ANKRD36C: variants seen among roughly 807,000 people sequenced by gnomAD.
ANKRD36C encodes ankyrin repeat domain-containing protein 36C.
Under a neutral mutation model 276.4 loss-of-function variants are expected in ANKRD36C, and 61 were observed. The observed-to-expected ratio is 0.22, with a 90% CI of 0.18 to 0.27. The LOEUF (loss-of-function observed/expected upper bound fraction) is 0.27. ANKRD36C is among the 10% of genes least tolerant of loss of function. The pLI, the probability that ANKRD36C is intolerant of heterozygous loss-of-function variation, is 1.00. For missense variants in ANKRD36C, 1,447 were observed against 2,032.3 expected (o/e 0.71, Z 5.54); for synonymous variants, 483 against 680.1 (o/e 0.71, Z 4.51).
exon 5 of ANKRD36C, chr2:95,980,766 C>A (rs781520365): frequency 6.3e-7 from 1 of 1,597,930 alleles, no homozygotes; most frequent in Admixed American, 1.7e-5. Flanking sequence ...CCAAGAGTAA[C>A]AGCATGTATG....
intron 58 of ANKRD36C, among the ~76,000 whole-genome samples, chr2:95,876,880 T>C (rs1317898274): frequency 1.3e-5 from 2 of 149,898 alleles, no homozygotes; most frequent in East Asian, 4.0e-4. Context: ...AAAAAAGTCT[T>C]TCTAAAACCA....
intron 32 of ANKRD36C, among the ~76,000 whole-genome samples, chr2:95,922,715 T>C (rs142368572): frequency 2.0e-5 from 3 of 151,734 alleles, no homozygotes; most frequent in Admixed American, 6.6e-5. Context: ...CATTAAATAG[T>C]TATTTTATCC....
At chr2:95,850,947 A>AT (rs376259644), downstream of ANKRD36C, among the ~76,000 whole-genome samples, 3 of 152,330 alleles carry the variant, frequency 2.0e-5, no homozygotes, top group South Asian at 2.1e-4. Context: ...ACTTCTTGCG[A>AT]TTTTTTAAAG....
At chr2:95,886,359 T>C in intron 50 of ANKRD36C, 115 bp from the exon 71 acceptor site, 1 of 888,842 alleles carries the variant, frequency 1.1e-6, no homozygotes, top group Non-Finnish European at 1.7e-6. Context: ...GTGTAGGCTT[T>C]GATGCTTTAT....
At chr2:95,990,039 T>A (rs1426147313) in intron 1 of ANKRD36C, among the ~76,000 whole-genome samples, 1 of 151,644 alleles carries the variant, frequency 6.6e-6, no homozygotes, top group Non-Finnish European at 1.5e-5. Flanking sequence ...ATAAACTGGA[T>A]TTTTTTTATT....
rs1677018665 is a variant in ANKRD36C at position 95,914,183 on chromosome 2, G to GA, written c.2479-4dup. The GA allele has an allele frequency of 6.3e-7, 1 of 1,583,492 alleles. No homozygotes were observed. Among genetic ancestry groups the GA allele is most frequent in the African/African-American group, 1.3e-5 (1 of 74,198 alleles). ...GAATCTTCCTCGTCACTTGTAGCCTGAATGGAATTTGAAATGAAATAATAA... is the reference window on the plus strand; with the variant it reads ...GAATCTTCCTCGTCACTTGTAGCCTGAAATGGAATTTGAAATGAAATAATAA... On this transcript the variant is annotated splice_polypyrimidine_tract_variant and splice_region_variant and intron_variant, in intron 39 of 66. Coordinates refer to ENST00000456556, the Ensembl canonical transcript of ANKRD36C.
chr2:95,931,505 C>G (rs1677567733), intron 24 of ANKRD36C, among the ~76,000 whole-genome samples: 2 of 150,170 alleles, frequency 1.3e-5, no homozygotes, highest in African/African-American at 4.9e-5. Context: ...GTTTAACTAC[C>G]CATAACACCA....
At chr2:95,876,252 G>A (rs943132227) in intron 59 of ANKRD36C, among the ~76,000 whole-genome samples, 187 bp downstream of exon 79, 9 of 152,090 alleles carry the variant, frequency 5.9e-5, no homozygotes, top group Admixed American at 5.9e-4. Flanking sequence ...TAAGATACAA[G>A]TTGCTATAGA....
intron 34 of ANKRD36C, among the ~76,000 whole-genome samples, chr2:95,918,662 A>C (rs527586069): frequency 1.3e-5 from 2 of 151,788 alleles, no homozygotes; most frequent in South Asian, 4.1e-4. Flanking sequence ...TCTTGGATCC[A>C]CTAGTTTATC....
At chr2:95,922,520 A>T (rs905987484) in intron 32 of ANKRD36C, among the ~76,000 whole-genome samples, 1 of 151,612 alleles carries the variant, frequency 6.6e-6, no homozygotes, top group Non-Finnish European at 1.5e-5. Flanking sequence ...TCAATTATCA[A>T]TTTTGACATA....
intron 42 of ANKRD36C, 29 bp downstream of exon 46, chr2:95,910,344 C>A: frequency 6.6e-7 from 1 of 1,524,070 alleles, no homozygotes; most frequent in Non-Finnish European, 8.8e-7. Flanking sequence ...CTGGACAGAA[C>A]ACGACATTAA....
rs1018069366 is a variant in ANKRD36C at position 95,987,605 on chromosome 2, C to A, written c.198-399G>T. ...TTTTAGATATTACTACTTACAAAGACTTTTTTTTTTTTTTTTTTTTTTTTT... is the reference window on the plus strand; with the variant it reads ...TTTTAGATATTACTACTTACAAAGAATTTTTTTTTTTTTTTTTTTTTTTTT... On this transcript the variant is annotated intron_variant, in intron 1 of 66. Coordinates refer to ENST00000456556, the Ensembl canonical transcript of ANKRD36C. Among the ~76,000 whole-genome samples, 10 of 87,482 alleles carry A rather than the reference C, an allele frequency of 1.1e-4. 1 individual carries two copies. Among genetic ancestry groups the A allele is most frequent in the African/African-American group, 4.6e-4 (10 of 21,794 alleles). The allele number at this position is 87,482 out of a possible 152,430, so 57.4% of individuals were successfully genotyped here.
chr2:95,980,584 C>T, intron 5 of ANKRD36C, 64 bp downstream of exon 5: 13 of 1,552,084 alleles, frequency 8.4e-6, no homozygotes, highest in South Asian at 1.2e-5. Context: ...ATATAAGATG[C>T]AATTGCTACA....
At chr2:95,979,882 C>T (rs1278703104) in intron 5 of ANKRD36C, among the ~76,000 whole-genome samples, 1 of 151,838 alleles carries the variant, frequency 6.6e-6, no homozygotes, top group Admixed American at 6.6e-5. Flanking sequence ...CAATTTGCTC[C>T]GTATGTATGT....
intron 59 of ANKRD36C, among the ~76,000 whole-genome samples, chr2:95,875,597 G>A (rs1300293578): frequency 6.6e-6 from 1 of 151,502 alleles, no homozygotes; most frequent in African/African-American, 2.4e-5. Flanking sequence ...GAGTTAATGG[G>A]TGCAGCGCAC....
chr2:95,955,766 G>A (rs1217976024), intron 13 of ANKRD36C, among the ~76,000 whole-genome samples: 2 of 152,144 alleles, frequency 1.3e-5, no homozygotes, highest in Admixed American at 1.3e-4. Flanking sequence ...CTCTCTTTGA[G>A]TTTCAGGTTC....
intron 44 of ANKRD36C, among the ~76,000 whole-genome samples, chr2:95,892,580 C>A (rs191369943): frequency 2.2e-4 from 34 of 151,586 alleles, no homozygotes; most frequent in East Asian, 9.8e-4. Context: ...TTTGACATAC[C>A]TATACAAAGT....
At chr2:95,892,534 A>C (rs966722421) in intron 44 of ANKRD36C, among the ~76,000 whole-genome samples, 3 of 151,556 alleles carry the variant, frequency 2.0e-5, no homozygotes, top group Admixed American at 2.0e-4. Context: ...AAAGGACAAT[A>C]TATTAGCCTC....
chr2:95,910,584 G>A lies in ANKRD36C; in HGVS notation c.2653+1660C>T, dbSNP rs758297585. 1 of 1,605,110 alleles carries A rather than the reference G, an allele frequency of 6.2e-7. No homozygotes were observed. The highest frequency in any genetic ancestry group is 8.5e-7 in the Non-Finnish European group (1 of 1,176,976). On this transcript the variant is annotated intron_variant, in intron 42 of 66. Transcript: ENST00000456556. ...TGAGAAGACACTGAAAAGCAAAAGG[G>A]ATTCATAATCACTCATATGTAAATA...
Sources: allele counts gnomAD v4.1 joint callset (sites outside exome capture counted in the v4.1 genomes callset), GRCh38; gene constraint gnomAD v4.1.1; transcripts MANE v1.5; gene names NCBI Gene and HGNC (gene_info 2026-07-23, HGNC 2026-07-21).